LUC7L: variants seen among roughly 807,000 people sequenced by gnomAD.
The protein encoded by LUC7L is putative RNA-binding protein Luc7-like 1.
In LUC7L, 29 loss-of-function variants were observed where a neutral mutation model predicts 51.1. That is an observed-to-expected ratio of 0.57 (90% CI 0.42 to 0.77). The LOEUF (loss-of-function observed/expected upper bound fraction) is 0.77. Among genes scored for constraint, LUC7L ranks in the 30% least tolerant of loss-of-function variants. The probability of loss-of-function intolerance (pLI) is 0.00; values close to 1 mark genes in which losing one functional copy is unlikely to be tolerated. For synonymous variants in LUC7L, 181 were observed against 180.7 expected, an observed-to-expected ratio of 1.00 and a Z score of -0.01; for missense variants, 403 against 511.9, an observed-to-expected ratio of 0.79 and a Z score of 2.05.
In LUC7L at chr16:228,772, T is replaced by C. The variant is rs554758875; in HGVS notation, c.61+507A>G. On this transcript the variant is annotated intron_variant, in intron 1 of 9. Transcript: ENST00000293872. ...GGGGGGAAGGGGGCAGCTGGAAAAG[T>C]ACTTGGCAGAAACCCACGTTAGAAA... 12 of 1,282,464 alleles carry C rather than the reference T, an allele frequency of 9.4e-6. No individual in the cohort carries two copies. In the East Asian group the frequency reaches 6.1e-4, roughly 66 times the overall value. 79.4% of individuals were successfully genotyped at this position (1,282,464 alleles called of 1,614,324 possible).
chr16:207,541 A>C (rs2049517854), intron 4 of LUC7L, among the ~76,000 whole-genome samples: 2 of 152,180 alleles, frequency 1.3e-5, no homozygotes, highest in African/African-American at 4.8e-5. Context: ...AAAATTAAAA[A>C]ATAATGATAA....
chr16:223,052 T>C (rs968881766), intron 2 of LUC7L, among the ~76,000 whole-genome samples: 1 of 150,648 alleles, frequency 6.6e-6, no homozygotes, highest in Non-Finnish European at 1.5e-5. Flanking sequence ...TGGGATGCAG[T>C]CTCATAGAAA....
chr16:210,120 T>C (rs2049598397), intron 3 of LUC7L, among the ~76,000 whole-genome samples: 1 of 152,188 alleles, frequency 6.6e-6, no homozygotes, highest in Non-Finnish European at 1.5e-5. Context: ...AAACCCCATC[T>C]CTACTAAAAA....
intron 3 of LUC7L, among the ~76,000 whole-genome samples, chr16:215,915 A>G (rs2049782497): frequency 6.6e-6 from 1 of 152,042 alleles, no homozygotes; most frequent in Non-Finnish European, 1.5e-5. Context: ...CTTCAGGCAA[A>G]AACTCCTGGG....
chr16:225,963 T>C (rs958372476), intron 2 of LUC7L, among the ~76,000 whole-genome samples: 1 of 151,468 alleles, frequency 6.6e-6, no homozygotes, highest in Non-Finnish European at 1.5e-5. Flanking sequence ...TCCTTCACTA[T>C]GGGTTTATCA....
At chr16:190,922 C>T (rs1237608573) in intron 7 of LUC7L, 1 of 205,130 alleles carries the variant, frequency 4.9e-6, no homozygotes, top group East Asian at 1.2e-4. Flanking sequence ...GAAAGCACCC[C>T]TATTCCTCAC....
At chr16:209,275 A>C (rs2049571822) in intron 3 of LUC7L, 1 of 152,160 alleles carries the variant, frequency 6.6e-6, no homozygotes, top group African/African-American at 2.4e-5. Flanking sequence ...AGGATCCATG[A>C]GGTCAGAGGT....
rs78438021 is a variant in LUC7L, at chr16:221,023, T to C, written c.157-276A>G. Among the ~76,000 whole-genome samples the C allele has an allele frequency of 3.5e-3, 535 of 152,204 alleles. 13 individuals carry two copies. The East Asian group carries it at 0.072, about 20-fold the overall frequency. ...ACTGTAATCATCACAACTACATTAA[T>C]TGGCTTTTGCCAGTTTTTAAGGAGT... On this transcript the variant is annotated intron_variant, in intron 2 of 9. Coordinates refer to ENST00000293872, the MANE Select transcript of LUC7L (RefSeq NM_201412.3).
intron 3 of LUC7L, among the ~76,000 whole-genome samples, chr16:216,116 C>A (rs1341670391): frequency 6.6e-6 from 1 of 152,126 alleles, no homozygotes; most frequent in Non-Finnish European, 1.5e-5. Flanking sequence ...ATTCTCCTGC[C>A]TCAGCCTCCC....
At chr16:217,035 CAG>C (rs1012931230) in intron 3 of LUC7L, among the ~76,000 whole-genome samples, 2 of 151,488 alleles carry the variant, frequency 1.3e-5, no homozygotes, top group Admixed American at 6.6e-5. Flanking sequence ...TTTTTTGAGA[CAG>C]AGTTTCGCTC....
chr16:210,882 T>C (rs896821763), intron 3 of LUC7L, among the ~76,000 whole-genome samples: 1 of 149,548 alleles, frequency 6.7e-6, no homozygotes, highest in African/African-American at 2.5e-5. Flanking sequence ...AAACCCCGTC[T>C]CTACTAAAAA....
chr16:229,418 G>A lies in LUC7L; in HGVS notation c.-79C>T, dbSNP rs370802608. 5.4e-6 allele frequency: 7 copies of A among 1,305,456 alleles called. No individual in the cohort carries two copies. The highest frequency in any genetic ancestry group is 7.1e-6 in the Non-Finnish European group (7 of 984,412). The allele number at this position is 1,305,456 out of a possible 1,614,324, so 80.9% of individuals were successfully genotyped here. On this transcript the variant is annotated 5_prime_UTR_variant, in exon 1 of 10. Transcript: ENST00000293872. The stretch of plus-strand genomic sequence containing the variant: ...GTGGCAGCGGCGTCGACAAACGATG[G>A]TCGCGTCGGCCTCGAGCCCACTCGG...
chr16:208,570 G>A (rs1195286915), intron 3 of LUC7L: 1 of 1,013,216 alleles, frequency 9.9e-7, no homozygotes, highest in South Asian at 3.2e-5. Flanking sequence ...CTCTTCTGGG[G>A]AGTTGTGAGA....
chr16:227,181 G>T, intron 2 of LUC7L, 61 bp downstream of exon 2: 3 of 1,352,120 alleles, frequency 2.2e-6, no homozygotes, highest in South Asian at 2.5e-5. Context: ...TAGAAAAACC[G>T]TCACTGCCTA....
chr16:225,907 G>A (rs1018334313), intron 2 of LUC7L, among the ~76,000 whole-genome samples: 13 of 152,172 alleles, frequency 8.5e-5, no homozygotes, highest in African/African-American at 2.9e-4. Context: ...AGGAAAACAT[G>A]GTTGAAATCT....
intron 1 of LUC7L, chr16:228,486 T>C (rs1460263404): frequency 2.4e-6 from 3 of 1,243,396 alleles, no homozygotes; most frequent in Non-Finnish European, 3.1e-6. Context: ...CAACTCAATA[T>C]ACAAAGAAAG....
At chr16:217,427 C>A (rs1944912385) in intron 3 of LUC7L, among the ~76,000 whole-genome samples, 1 of 152,056 alleles carries the variant, frequency 6.6e-6, no homozygotes, top group African/African-American at 2.4e-5. Context: ...TTTAAATAGG[C>A]TGGGCGCAGT....
At chr16:211,963 T>C (rs2049653383) in intron 3 of LUC7L, among the ~76,000 whole-genome samples, 1 of 152,180 alleles carries the variant, frequency 6.6e-6, no homozygotes, top group Non-Finnish European at 1.5e-5. Context: ...CAGGTGCCCT[T>C]GTGCTGCACT....
chr16:207,745 C>A (rs1172066770), intron 4 of LUC7L, among the ~76,000 whole-genome samples: 2 of 152,170 alleles, frequency 1.3e-5, no homozygotes, highest in Non-Finnish European at 2.9e-5. Context: ...CGCGGTGGCT[C>A]ACGCCTGTAA....
Sources: gnomAD v4.1 joint callset for allele counts (sites outside exome capture counted in the v4.1 genomes callset) on GRCh38, gnomAD v4.1.1 for gene constraint, MANE v1.5 for transcripts, NCBI Gene and HGNC (gene_info 2026-07-23, HGNC 2026-07-21) for gene names.